ANAPC10: variants seen among roughly 807,000 people sequenced by gnomAD.
ANAPC10 encodes the protein anaphase promoting complex subunit 10.
Under a neutral mutation model 22.0 loss-of-function variants are expected in ANAPC10, and 12 were observed. The ratio of observed to expected loss-of-function variants is 0.55; its 90% CI spans 0.35 to 0.88. The LOEUF is 0.88. Among genes scored for constraint, ANAPC10 ranks in the 40% least tolerant of loss-of-function variants. The pLI is 0.01. For missense variants in ANAPC10, 188 were observed against 220.9 expected, an observed-to-expected ratio of 0.85 and a Z score of 0.94; for synonymous variants, 65 against 69.5, an observed-to-expected ratio of 0.94 and a Z score of 0.32.
intron 4 of ANAPC10, among the ~76,000 whole-genome samples, chr4:145,006,416 G>A (rs1733371232): frequency 1.3e-5 from 2 of 151,962 alleles, no homozygotes; most frequent in African/African-American, 2.4e-5. Flanking sequence ...CTGAATACAT[G>A]TCTTCAAATA....
chr4:145,098,560 A>C (rs957698767), upstream of ANAPC10: 15 of 152,138 alleles, frequency 9.9e-5, no homozygotes, highest in African/African-American at 3.4e-4. Flanking sequence ...TTCCTGCGGG[A>C]CAGCTGGAAC....
intron 4 of ANAPC10, among the ~76,000 whole-genome samples, chr4:145,025,526 G>A (rs557622840): frequency 9.9e-5 from 15 of 152,092 alleles, no homozygotes; most frequent in African/African-American, 3.4e-4. Context: ...GTTAGGTGCT[G>A]GAGTAGTCAG....
At chr4:145,069,686 A>G (rs1473746261) in intron 3 of ANAPC10, among the ~76,000 whole-genome samples, 1 of 152,228 alleles carries the variant, frequency 6.6e-6, no homozygotes, top group East Asian at 1.9e-4. Flanking sequence ...AGACTCTTTC[A>G]GAGGATCAGC....
intron 2 of ANAPC10, among the ~76,000 whole-genome samples, chr4:145,087,919 G>A (rs143786164): frequency 7.2e-5 from 11 of 151,960 alleles, no homozygotes; most frequent in African/African-American, 2.4e-4. Flanking sequence ...GTGGTGGTGC[G>A]CACCTATAAT....
At chr4:145,023,125 C>T (rs1736195099) in intron 4 of ANAPC10, among the ~76,000 whole-genome samples, 1 of 151,860 alleles carries the variant, frequency 6.6e-6, no homozygotes, top group Non-Finnish European at 1.5e-5. Flanking sequence ...TGTTAACTAC[C>T]CAATTGTACC....
chr4:145,016,055 G>C (rs937860702), intron 4 of ANAPC10, among the ~76,000 whole-genome samples: 39 of 152,124 alleles, frequency 2.6e-4, no homozygotes, highest in Non-Finnish European at 4.9e-4. Flanking sequence ...TTTGAAAACT[G>C]GCACGAGACA....
At chr4:145,097,651 G>T in intron 1 of ANAPC10, 1 of 651,670 alleles carries the variant, frequency 1.5e-6, no homozygotes, top group Non-Finnish European at 2.4e-6. Flanking sequence ...TGAATAAACA[G>T]ATGAATAGGT....
chr4:145,025,102 C>G (rs892851709), intron 4 of ANAPC10, among the ~76,000 whole-genome samples: 1 of 152,158 alleles, frequency 6.6e-6, no homozygotes, highest in Non-Finnish European at 1.5e-5. Context: ...CACCTCTTAG[C>G]CTTTATAGAA....
chr4:145,049,229 A>T (rs930697406), intron 4 of ANAPC10, among the ~76,000 whole-genome samples: 7 of 152,234 alleles, frequency 4.6e-5, no homozygotes, highest in Admixed American at 3.9e-4. Context: ...GGCTACTGAC[A>T]GATTAAGGTG....
chr4:145,034,174 A>G (rs1738075917), intron 4 of ANAPC10, among the ~76,000 whole-genome samples: 1 of 152,106 alleles, frequency 6.6e-6, no homozygotes, highest in African/African-American at 2.4e-5. Context: ...ACTTGATTGG[A>G]TTGAGGGATA....
At chr4:145,095,948 AC>A (rs769923189) in intron 2 of ANAPC10, 36 bp downstream of exon 2, 1 of 1,613,704 alleles carries the variant, frequency 6.2e-7, no homozygotes, top group South Asian at 1.1e-5. Flanking sequence ...ACTGCAAGTG[AC>A]TATTTCCAAC....
chr4:145,026,939 A>G (rs1416236171), intron 4 of ANAPC10, among the ~76,000 whole-genome samples: 8 of 22,328 alleles, frequency 3.6e-4, no homozygotes, highest in Non-Finnish European at 6.2e-4. Context: ...ATATATATAT[A>G]TATATATGTG....
chr4:145,082,534 C>T (rs1025293126), intron 2 of ANAPC10, among the ~76,000 whole-genome samples: 1 of 152,174 alleles, frequency 6.6e-6, no homozygotes, highest in Non-Finnish European at 1.5e-5. Flanking sequence ...AGCACAAAAT[C>T]CTCAAAAATA....
chr4:145,021,134 T>C (rs938971271), intron 4 of ANAPC10, among the ~76,000 whole-genome samples: 1 of 152,034 alleles, frequency 6.6e-6, no homozygotes, highest in Non-Finnish European at 1.5e-5. Context: ...GCAATCCCCA[T>C]CAAAATACCA....
At chr4:145,067,174 A>G (rs1743827394) in intron 3 of ANAPC10, among the ~76,000 whole-genome samples, 1 of 152,218 alleles carries the variant, frequency 6.6e-6, no homozygotes, top group Non-Finnish European at 1.5e-5. Context: ...TTTAAAAATA[A>G]TATTTCATGG....
chr4:145,063,643 C>T (rs1743234838), intron 4 of ANAPC10, among the ~76,000 whole-genome samples: 1 of 152,072 alleles, frequency 6.6e-6, no homozygotes, highest in African/African-American at 2.4e-5. Context: ...ATGTCAACAG[C>T]CACAGCTTCA....
chr4:144,995,670 T>C (rs1278530161), intron 4 of ANAPC10, 67 bp from the exon 5 acceptor site: 3 of 1,024,724 alleles, frequency 2.9e-6, no homozygotes, highest in African/African-American at 1.6e-5. Context: ...AATGAATGCA[T>C]TCTATAATAA....
intron 4 of ANAPC10, among the ~76,000 whole-genome samples, chr4:145,022,380 C>A (rs945808600): frequency 6.6e-6 from 1 of 152,020 alleles, no homozygotes; most frequent in Non-Finnish European, 1.5e-5. Flanking sequence ...TGGATGAGAT[C>A]GGAGACTATT....
In ANAPC10 at chr4:145,015,014, T is replaced by A. The variant is rs559584682; in HGVS notation, c.328-19411A>T. Among the ~76,000 whole-genome samples the A allele has an allele frequency of 6.5e-4, 99 of 152,078 alleles. No individual in the cohort carries two copies. The South Asian group carries it at 0.019, about 30-fold the overall frequency. ...AACCAGAAAACCAACCCTGGTAATA[T>A]GACAAAACAAGGCTCCTTAACACCC... On this transcript the variant is annotated intron_variant, in intron 4 of 4. Coordinates refer to ENST00000507656, the MANE Select transcript of ANAPC10 (RefSeq NM_001256706.2).
Sources: gnomAD v4.1 joint callset for allele counts (sites outside exome capture counted in the v4.1 genomes callset) on GRCh38, gnomAD v4.1.1 for gene constraint, MANE v1.5 for transcripts, NCBI Gene and HGNC (gene_info 2026-07-23, HGNC 2026-07-21) for gene names.